Variants in PARG observed in about 807,000 individuals in gnomAD.
PARG encodes mitochondrial poly(ADP-ribose) glycohydrolase.
In PARG, 35 loss-of-function variants were observed where a neutral mutation model predicts 113.0. That is an observed-to-expected ratio of 0.31 (90% CI 0.24 to 0.41). The LOEUF is 0.41. Among genes scored for constraint, PARG ranks in the 10% least tolerant of loss-of-function variants. The pLI, the probability that PARG is intolerant of heterozygous loss-of-function variation, is 1.00. For missense variants in PARG, 797 were observed against 1,169.4 expected, an observed-to-expected ratio of 0.68 and a Z score of 4.64; for synonymous variants, 330 against 409.9, an observed-to-expected ratio of 0.81 and a Z score of 2.36.
intron 14 of PARG, 95 bp from the exon 15 acceptor site, chr10:49,842,153 T>C (rs1355899494): frequency 2.6e-6 from 2 of 779,340 alleles, no homozygotes; most frequent in African/African-American, 1.7e-5. Context: ...TTTAGCTCTG[T>C]TAAAATATTA....
At chr10:49,918,896 C>T (rs560170727) in intron 6 of PARG, among the ~76,000 whole-genome samples, 1 of 152,156 alleles carries the variant, frequency 6.6e-6, no homozygotes, top group East Asian at 1.9e-4. Context: ...TAAGGAATTG[C>T]TAGAGAAGTA....
At chr10:49,876,953 CTA>C (rs1297880288) in intron 9 of PARG, among the ~76,000 whole-genome samples, 2 of 150,362 alleles carry the variant, frequency 1.3e-5, no homozygotes, top group Admixed American at 1.3e-4. Context: ...AAAAAAAAAA[CTA>C]TCCTGTTTGC....
chr10:49,887,436 T>G (rs528549716), intron 7 of PARG, among the ~76,000 whole-genome samples: 1 of 152,146 alleles, frequency 6.6e-6, no homozygotes, highest in Non-Finnish European at 1.5e-5. Context: ...AAAGATCTCA[T>G]GCTACCCATT....
intron 10 of PARG, among the ~76,000 whole-genome samples, chr10:49,868,285 C>A (rs1208741394): frequency 1.3e-5 from 2 of 152,298 alleles, no homozygotes; most frequent in Middle Eastern, 3.4e-3. Context: ...CCGTGCCTGG[C>A]CTTACGTAGT....
chr10:49,934,292 G>A lies in PARG; in HGVS notation c.285-129C>T, dbSNP rs1396162452. 2.2e-3 allele frequency: 1,343 copies of A among 617,908 alleles called. 3 individuals carry two copies. The highest frequency in any genetic ancestry group is 2.9e-3 in the Non-Finnish European group (1,027 of 348,168). The allele number at this position is 617,908 out of a possible 1,614,324, so 38.3% of individuals were successfully genotyped here. A position where few individuals can be genotyped will look rare whatever the true frequency, so the allele number is the denominator to read the frequency against. The stretch of plus-strand genomic sequence containing the variant: ...GCTGAGCACACAGCATGTCTTCTAT[G>A]ACTCCATGTCTTTGTATGTGATCCC... On this transcript the variant is annotated intron_variant, in intron 2 of 17. Transcript: ENST00000616448.
chr10:49,851,888 A>C (rs1173193479), intron 13 of PARG, among the ~76,000 whole-genome samples: 3 of 150,710 alleles, frequency 2.0e-5, no homozygotes, highest in African/African-American at 4.9e-5. Flanking sequence ...AGGCAGGATC[A>C]CAACAAACAG....
At chr10:49,856,331 C>A (rs1468244693) in intron 13 of PARG, among the ~76,000 whole-genome samples, 1 of 151,738 alleles carries the variant, frequency 6.6e-6, no homozygotes, top group Non-Finnish European at 1.5e-5. Flanking sequence ...AGGCACCCAC[C>A]ACCGTGCCTG....
Position 49,887,048 on chromosome 10 carries a change from C to CT in PARG, c.1738-1754dup, listed in dbSNP as rs1317586482. ...CAAACTCTTCCTGTTTATAATTTAT[C>CT]TTTTTTTTTTTTTTTAATAGAAACA... On this transcript the variant is annotated intron_variant, in intron 7 of 17. Coordinates refer to ENST00000616448, the MANE Select transcript of PARG (RefSeq NM_003631.5). Among the ~76,000 whole-genome samples the CT allele has an allele frequency of 6.1e-3, 849 of 139,104 alleles. 2 individuals are homozygous for CT. Among genetic ancestry groups the CT allele is most frequent in the African/African-American group, 8.2e-3 (315 of 38,192 alleles). The allele number at this position is 139,104 out of a possible 152,430, so 91.3% of individuals were successfully genotyped here. A position where few individuals can be genotyped will look rare whatever the true frequency, so the allele number is the denominator to read the frequency against.
At position 49,841,968 on chromosome 10, in the gene PARG, C is replaced by G. The variant is rs1162537888; in HGVS notation, c.2523G>C (p.Met841Ile). Residue 841 changes from methionine (M) to isoleucine (I), a missense_variant, in exon 15 of 18, where the codon ATG becomes ATC. By Grantham distance (10) the Met-to-Ile change is conservative. Transcript: ENST00000616448. ...TACTGGCCTTGTTCAGCTCGCGTCT[C>G]ATTTTCTCAGGCACAAACTGATCGA... is the stretch of plus-strand genomic sequence containing the variant. ...RYLDQFVPEK[M>I]RRELNKAYCG... The G allele has an allele frequency of 6.5e-7, 1 of 1,548,138 alleles. No individual in the cohort carries two copies. The highest frequency in any genetic ancestry group is 8.7e-7 in the Non-Finnish European group (1 of 1,146,154).
rs55937635 is a variant in PARG, at chr10:49,828,737, T to C, written c.2647+4066A>G. On this transcript the variant is annotated intron_variant, in intron 16 of 17. Coordinates refer to ENST00000616448, the MANE Select transcript of PARG (RefSeq NM_003631.5). ...TCAAAACTAATTGTGAGGCTGGGCA[T>C]GGTAGTGCATGTCTGCAGTCCCAGC... is the stretch of plus-strand genomic sequence containing the variant. 5.0e-3 allele frequency among the ~76,000 whole-genome samples: 758 copies of C among 152,328 alleles called. 12 individuals are homozygous for C. Among genetic ancestry groups the C allele is most frequent in the Middle Eastern group, 0.027 (8 of 294 alleles).
intron 1 of PARG, among the ~76,000 whole-genome samples, chr10:49,938,073 T>A (rs1318697436): frequency 6.6e-6 from 1 of 152,266 alleles, no homozygotes; most frequent in East Asian, 1.9e-4. Context: ...TAAGAAGTGA[T>A]GAAAAGATAC....
chr10:49,908,941 T>A lies in PARG; in HGVS notation c.1737+6976A>T, dbSNP rs193208983. 6.7e-4 allele frequency among the ~76,000 whole-genome samples: 102 copies of A among 152,222 alleles called. 1 individual carries two copies. Among genetic ancestry groups the A allele is most frequent in the African/African-American group, 2.4e-3 (99 of 41,526 alleles). On this transcript the variant is annotated intron_variant, in intron 7 of 17. Coordinates refer to ENST00000616448, the MANE Select transcript of PARG (RefSeq NM_003631.5). ...TATTCTAAAAAGCACTAACCCTCCA[T>A]GAAATGTTTATAGACAGTTTATAGG...
At chr10:49,925,843 G>T (rs1371637882) in intron 4 of PARG, among the ~76,000 whole-genome samples, 4 of 152,238 alleles carry the variant, frequency 2.6e-5, no homozygotes, top group Non-Finnish European at 4.4e-5. Flanking sequence ...TTGAACACTT[G>T]AACAAAGGAT....
Position 49,935,161 on chromosome 10 carries a change from A to G in PARG, c.218-19T>C. The G allele has an allele frequency of 1.4e-6, 1 of 712,754 alleles. No homozygotes were observed. The highest frequency in any genetic ancestry group is 2.7e-5 in the East Asian group (1 of 37,144). The allele number at this position is 712,754 out of a possible 1,614,324, so 44.2% of individuals were successfully genotyped here. A position where few individuals can be genotyped will look rare whatever the true frequency, so the allele number is the denominator to read the frequency against. ...TTGAAAACTATAAAAAAAAATGTAT[A>G]TTCATACATTCCTTCAAATATAAAA... On this transcript the variant is annotated intron_variant, in intron 1 of 17. Coordinates refer to ENST00000616448, the MANE Select transcript of PARG (RefSeq NM_003631.5).
chr10:49,908,018 A>C (rs1230711739), intron 7 of PARG, among the ~76,000 whole-genome samples: 8 of 152,204 alleles, frequency 5.3e-5, no homozygotes, highest in Admixed American at 3.3e-4. Flanking sequence ...CTACTGAATG[A>C]ATTTTCACTT....
chr10:49,822,882 T>C (rs552342296), intron 16 of PARG, among the ~76,000 whole-genome samples: 29 of 152,294 alleles, frequency 1.9e-4, no homozygotes, highest in African/African-American at 6.3e-4. Context: ...CAAAGAACGT[T>C]GTATTCTTTA....
At chr10:49,879,587 G>A in intron 9 of PARG, 86 bp downstream of exon 9, 1 of 874,560 alleles carries the variant, frequency 1.1e-6, no homozygotes, top group Non-Finnish European at 1.8e-6. Flanking sequence ...AAAATGCTTG[G>A]CCTATGGAAT....
intron 16 of PARG, among the ~76,000 whole-genome samples, chr10:49,832,237 G>T (rs782536127): frequency 6.6e-6 from 1 of 152,174 alleles, no homozygotes; most frequent in Non-Finnish European, 1.5e-5. Context: ...TCCTATCTGT[G>T]CCATTCATGC....
At chr10:49,858,742 A>G (rs1410121140) in intron 12 of PARG, among the ~76,000 whole-genome samples, 1 of 143,506 alleles carries the variant, frequency 7.0e-6, no homozygotes, top group Non-Finnish European at 1.5e-5. Context: ...CTAAAAAACC[A>G]GAGTAACTCT....
Sources: allele counts gnomAD v4.1 joint callset (sites outside exome capture counted in the v4.1 genomes callset), GRCh38; gene constraint gnomAD v4.1.1; transcripts MANE v1.5; gene names NCBI Gene and HGNC (gene_info 2026-07-23, HGNC 2026-07-21).